Variants in BMP6 observed in about 807,000 individuals in gnomAD.
BMP6 encodes the protein VG-1-R.
Under a neutral mutation model 54.1 loss-of-function variants are expected in BMP6, and 17 were observed. That is an observed-to-expected ratio of 0.31 (90% CI 0.22 to 0.47). The LOEUF is 0.47. Ranked by LOEUF, BMP6 falls within the 20% of genes least tolerant of loss-of-function variation. The probability of loss-of-function intolerance (pLI) is 1.00; values close to 1 mark genes in which losing one functional copy is unlikely to be tolerated. For synonymous variants in BMP6, 328 were observed against 291.2 expected (o/e 1.13, Z -1.28); for missense variants, 720 against 690.4 (o/e 1.04, Z -0.48).
chr6:7,769,236 C>G (rs1360287742), intron 1 of BMP6, among the ~76,000 whole-genome samples: 2 of 152,220 alleles, frequency 1.3e-5, no homozygotes, highest in South Asian at 2.1e-4. Flanking sequence ...CACCGATCAG[C>G]TCTTCAGAGC....
At chr6:7,752,101 CCTT>C (rs1447338861) in intron 1 of BMP6, among the ~76,000 whole-genome samples, 4 of 152,174 alleles carry the variant, frequency 2.6e-5, no homozygotes, top group Admixed American at 6.5e-5. Flanking sequence ...CCTTGGTCAT[CCTT>C]CTAGAGCAGG....
intron 5 of BMP6, 121 bp downstream of exon 5, chr6:7,879,271 GA>G (rs1408704509): frequency 9.4e-7 from 1 of 1,060,154 alleles, no homozygotes; most frequent in African/African-American, 1.6e-5. Flanking sequence ...TCCTTCTGTG[GA>G]AGTCCTGAGG....
At chr6:7,861,208 G>GT (rs1264686012) in intron 2 of BMP6, among the ~76,000 whole-genome samples, 3 of 151,822 alleles carry the variant, frequency 2.0e-5, no homozygotes, top group African/African-American at 7.3e-5. Context: ...GGTCTGCCGT[G>GT]TCGGGGTGAA....
At chr6:7,741,606 A>G (rs987470857) in intron 1 of BMP6, among the ~76,000 whole-genome samples, 1 of 148,742 alleles carries the variant, frequency 6.7e-6, no homozygotes, top group African/African-American at 2.5e-5. Flanking sequence ...TAGTTGTTTT[A>G]ATTTTTTGTA....
chr6:7,854,892 A>G lies in BMP6; in HGVS notation c.858-6559A>G, dbSNP rs1247074546. ...AGAGTATACCCCAGTGTATGGAAGC[A>G]TTGTTGTGTTTATGTGGCCAAAGAG... On this transcript the variant is annotated intron_variant, in intron 2 of 6. Coordinates refer to ENST00000283147, the MANE Select transcript of BMP6 (RefSeq NM_001718.6). Among the ~76,000 whole-genome samples, 3 of 152,322 alleles carry G rather than the reference A, an allele frequency of 2.0e-5. No individual in the cohort carries two copies. The South Asian group carries it at 6.2e-4, about 32-fold the overall frequency.
At chr6:7,858,447 A>T (rs930485001) in intron 2 of BMP6, among the ~76,000 whole-genome samples, 2 of 152,086 alleles carry the variant, frequency 1.3e-5, no homozygotes, top group Non-Finnish European at 2.9e-5. Flanking sequence ...TTCTGTATCC[A>T]GCTGACTTTA....
chr6:7,879,167 C>A lies in BMP6; in HGVS notation c.1281+17C>A. ...GGATGGCAGGTGAGTTCTCTGGACA[C>A]GGGGGATAAAGGTCCTTTCTCAGCA... On this transcript the variant is annotated intron_variant, in intron 5 of 6. Coordinates refer to ENST00000283147, the MANE Select transcript of BMP6 (RefSeq NM_001718.6). 6.2e-7 allele frequency: 1 copy of A among 1,605,514 alleles called. No individual in the cohort carries two copies. The highest frequency in any genetic ancestry group is 8.5e-7 in the Non-Finnish European group (1 of 1,172,168).
At chr6:7,800,361 C>T (rs1758251948) in intron 1 of BMP6, among the ~76,000 whole-genome samples, 1 of 152,060 alleles carries the variant, frequency 6.6e-6, no homozygotes, top group South Asian at 2.1e-4. Flanking sequence ...CAGATAATTC[C>T]AGTGGAAAAT....
At chr6:7,817,247 C>T (rs1758542315) in intron 1 of BMP6, among the ~76,000 whole-genome samples, 1 of 152,052 alleles carries the variant, frequency 6.6e-6, no homozygotes, top group Admixed American at 6.6e-5. Context: ...AAAGTTCTAT[C>T]AACTAAACAA....
chr6:7,763,179 A>G (rs1169655082), intron 1 of BMP6, among the ~76,000 whole-genome samples: 1 of 152,242 alleles, frequency 6.6e-6, no homozygotes, highest in Non-Finnish European at 1.5e-5. Context: ...ACTTGGAGAA[A>G]GTTCTCCCGT....
rs191337224 is a variant in BMP6, at chr6:7,791,701, G to A, written c.665-53439G>A. On this transcript the variant is annotated intron_variant, in intron 1 of 6. Transcript: ENST00000283147. ...TTATTTCATTGTGACCCCCATGCCT[G>A]CCACTCTTTCTGTGTTCCCTCTCCA... Among the ~76,000 whole-genome samples the A allele has an allele frequency of 4.8e-4, 73 of 152,162 alleles. No homozygotes were observed. The Middle Eastern group carries it at 0.014, about 28-fold the overall frequency.
At position 7,856,610 on chromosome 6, in the gene BMP6, T is replaced by TTTTTTGTTTTTG. The variant is rs1477184469; in HGVS notation, c.858-4837_858-4836insTGTTTTTGTTTT. ...TATCAAGAGCATTTTTTTTTTTTTT[T>TTTTTTGTTTTTG]TTTTGAGACGGAGTCTCGCTCTGTC... is the stretch of plus-strand genomic sequence containing the variant. On this transcript the variant is annotated intron_variant, in intron 2 of 6. Coordinates refer to ENST00000283147, the MANE Select transcript of BMP6 (RefSeq NM_001718.6). Among the ~76,000 whole-genome samples, 226 of 122,186 alleles carry TTTTTTGTTTTTG rather than the reference T, an allele frequency of 1.8e-3. 2 individuals carry two copies. Among genetic ancestry groups the TTTTTTGTTTTTG allele is most frequent in the African/African-American group, 2.9e-3 (90 of 30,684 alleles). 80.2% of individuals were successfully genotyped at this position (122,186 alleles called of 152,430 possible).
At chr6:7,759,024 A>G (rs946622924) in intron 1 of BMP6, among the ~76,000 whole-genome samples, 2 of 152,156 alleles carry the variant, frequency 1.3e-5, no homozygotes, top group Non-Finnish European at 2.9e-5. Flanking sequence ...TATATCTTCA[A>G]TGTCCAGCAC....
rs776392406 is a variant in BMP6, at chr6:7,727,444, C to T, written c.489C>T (p.His163=). The T allele has an allele frequency of 1.2e-5, 20 of 1,602,518 alleles. No individual in the cohort carries two copies. Among genetic ancestry groups the T allele is most frequent in the East Asian group, 4.5e-5 (2 of 44,596 alleles). ...GGGAGAGGCAGCAGTCCTGGCCCCA[C>T]GAAGCAGCCAGCTCGTCCCAGCGTC... is the stretch of plus-strand genomic sequence containing the variant. ...SEGERQQSWP[H]EAASSSQRRQ... The change falls in exon 1 of 7, where the codon CAC becomes CAT. Residue 163 remains histidine, a synonymous_variant. Transcript: ENST00000283147.
intron 1 of BMP6, among the ~76,000 whole-genome samples, chr6:7,728,513 C>G (rs572274941): frequency 5.3e-5 from 8 of 152,312 alleles, no homozygotes; most frequent in South Asian, 4.1e-4. Context: ...CTTTCTCCCC[C>G]CTCCCACCCC....
At chr6:7,821,087 A>G (rs758092715) in intron 1 of BMP6, among the ~76,000 whole-genome samples, 8 of 152,184 alleles carry the variant, frequency 5.3e-5, no homozygotes, top group Non-Finnish European at 1.0e-4. Flanking sequence ...CCCCTCTTCT[A>G]TGGGACATCA....
At chr6:7,785,392 G>A (rs1053017198) in intron 1 of BMP6, among the ~76,000 whole-genome samples, 2 of 152,168 alleles carry the variant, frequency 1.3e-5, no homozygotes, top group Non-Finnish European at 2.9e-5. Flanking sequence ...TTGTAAATCA[G>A]AAGAGTTATT....
chr6:7,770,175 G>A (rs1326378097), intron 1 of BMP6, among the ~76,000 whole-genome samples: 2 of 152,130 alleles, frequency 1.3e-5, no homozygotes, highest in African/African-American at 2.4e-5. Flanking sequence ...AAAAAATGCA[G>A]TGGAGCATTT....
chr6:7,743,537 CAGGGCAGGATAAAT>C (rs769930141), intron 1 of BMP6, among the ~76,000 whole-genome samples: 8 of 152,132 alleles, frequency 5.3e-5, no homozygotes, highest in Non-Finnish European at 1.2e-4. Context: ...ACTTTGTTTT[CAGGGCAGGATAAAT>C]GCTTGTTTAT....
Sources: allele counts gnomAD v4.1 joint callset (sites outside exome capture counted in the v4.1 genomes callset), GRCh38; gene constraint gnomAD v4.1.1; transcripts MANE v1.5; gene names NCBI Gene and HGNC (gene_info 2026-07-23, HGNC 2026-07-21).